Variants in SOX5 observed in about 807,000 individuals in gnomAD.
SOX5 encodes SRY-box transcription factor 5.
In SOX5, 9 loss-of-function variants were observed where a neutral mutation model predicts 92.0. The observed-to-expected ratio is 0.10, with a 90% CI of 0.06 to 0.17. SOX5 has a LOEUF of 0.17. SOX5 is among the 10% of genes least tolerant of loss of function. SOX5 has a pLI of 1.00. For missense variants in SOX5, 642 were observed against 944.5 expected, an observed-to-expected ratio of 0.68 and a Z score of 4.20; for synonymous variants, 344 against 336.3, an observed-to-expected ratio of 1.02 and a Z score of -0.25.
intron 4 of SOX5, among the ~76,000 whole-genome samples, chr12:24,163,817 C>T (rs1953064156): frequency 1.3e-5 from 2 of 151,898 alleles, no homozygotes; most frequent in African/African-American, 4.8e-5. Flanking sequence ...CTCTCTTTCT[C>T]TCTGTCTTTG....
chr12:23,951,814 C>A (rs761735799), upstream of SOX5, among the ~76,000 whole-genome samples: 1 of 152,052 alleles, frequency 6.6e-6, no homozygotes, highest in Non-Finnish European at 1.5e-5. Flanking sequence ...TCACTTTCAG[C>A]AGTTGGGGAA....
intron 1 of SOX5, among the ~76,000 whole-genome samples, chr12:24,465,326 G>A (rs1046125305): frequency 1.2e-4 from 19 of 152,152 alleles, no homozygotes; most frequent in East Asian, 1.2e-3. Flanking sequence ...TTTACTGAGC[G>A]TTTATTACAT....
chr12:24,295,615 G>T (rs1420409775), intron 2 of SOX5, among the ~76,000 whole-genome samples: 3 of 152,220 alleles, frequency 2.0e-5, no homozygotes, highest in Admixed American at 2.0e-4. Context: ...CCACGCTAGA[G>T]TTCAGTGGTA....
At chr12:24,404,015 G>A (rs575740417) in intron 1 of SOX5, among the ~76,000 whole-genome samples, 38 of 152,198 alleles carry the variant, frequency 2.5e-4, no homozygotes, top group African/African-American at 8.7e-4. Context: ...CACCTAGGAG[G>A]CACTAAAGAA....
chr12:23,941,993 G>C (rs1943740099), intron 1 of SOX5, among the ~76,000 whole-genome samples: 1 of 150,838 alleles, frequency 6.6e-6, no homozygotes, highest in South Asian at 2.1e-4. Flanking sequence ...AAAAGTCTTT[G>C]GACTTTGAAA....
intron 1 of SOX5, among the ~76,000 whole-genome samples, chr12:24,450,432 G>A (rs748399553): frequency 6.6e-6 from 1 of 151,794 alleles, no homozygotes; most frequent in African/African-American, 2.4e-5. Flanking sequence ...AATCTGATCA[G>A]GATAAATGGG....
At chr12:23,818,030 ATT>A (rs750196546) in intron 3 of SOX5, among the ~76,000 whole-genome samples, 1 of 152,212 alleles carries the variant, frequency 6.6e-6, no homozygotes, top group Non-Finnish European at 1.5e-5. Flanking sequence ...ATTTAGAGAG[ATT>A]TTATACAAGT....
intron 4 of SOX5, among the ~76,000 whole-genome samples, chr12:24,100,764 T>C (rs1348156590): frequency 2.0e-5 from 3 of 152,172 alleles, no homozygotes; most frequent in Non-Finnish European, 4.4e-5. Flanking sequence ...CCCAGAACTC[T>C]TGATTTTCTC....
At chr12:24,524,814 T>C (rs1950561944) in intron 1 of SOX5, among the ~76,000 whole-genome samples, 1 of 152,140 alleles carries the variant, frequency 6.6e-6, no homozygotes, top group Non-Finnish European at 1.5e-5. Context: ...GCCAGAAGTT[T>C]GGGACTCGCC....
chr12:23,631,615 A>C (rs1185960234), intron 8 of SOX5, among the ~76,000 whole-genome samples: 1 of 152,144 alleles, frequency 6.6e-6, no homozygotes, highest in Admixed American at 6.6e-5. Context: ...ACAGGATACT[A>C]TCAAGGAATG....
intron 6 of SOX5, among the ~76,000 whole-genome samples, chr12:23,710,444 A>G (rs2140355453): frequency 6.6e-6 from 1 of 152,050 alleles, no homozygotes; most frequent in East Asian, 1.9e-4. Context: ...CCTGTGTCCA[A>G]GTATTCTTGT....
Position 23,530,680 on chromosome 12 carries a change from A to C in SOX5, c.*3539T>G, listed in dbSNP as rs1429110774. 1 of 152,092 alleles carries C rather than the reference A, an allele frequency of 6.6e-6. No individual in the cohort carries two copies. Among genetic ancestry groups the C allele is most frequent in the African/African-American group, 2.4e-5 (1 of 41,422 alleles). The allele number at this position is 152,092 out of a possible 1,614,324, so 9.4% of individuals were successfully genotyped here. On this transcript the variant is annotated 3_prime_UTR_variant, in exon 15 of 15. Coordinates refer to ENST00000451604, the MANE Select transcript of SOX5 (RefSeq NM_006940.6). ...TTAGTAACTATAAATGAGTAACTTT[A>C]TTTTCTCCGGTAATGTTCTCTTAGA...
At chr12:24,178,390 G>T (rs1024186769) in intron 4 of SOX5, among the ~76,000 whole-genome samples, 1 of 152,012 alleles carries the variant, frequency 6.6e-6, no homozygotes, top group Non-Finnish European at 1.5e-5. Context: ...CAGAGGCCTA[G>T]AGAAGTCATT....
At chr12:24,507,460 C>T (rs1190685108) in intron 1 of SOX5, among the ~76,000 whole-genome samples, 1 of 151,004 alleles carries the variant, frequency 6.6e-6, no homozygotes, top group Non-Finnish European at 1.5e-5. Flanking sequence ...TGACAACTGA[C>T]CTACTTTCTG....
At chr12:24,353,786 GCCCGCCAC>G (rs1954432446) in intron 2 of SOX5, among the ~76,000 whole-genome samples, 1 of 151,976 alleles carries the variant, frequency 6.6e-6, no homozygotes, top group Non-Finnish European at 1.5e-5. Context: ...GATTACAGGC[GCCCGCCAC>G]CACGCCCAGC....
chr12:24,122,602 C>T lies in SOX5; in HGVS notation c.-2+90741G>A, dbSNP rs144133186. Among the ~76,000 whole-genome samples the T allele has an allele frequency of 2.2e-3, 328 of 152,212 alleles. 1 individual carries two copies. Among genetic ancestry groups the T allele is most frequent in the African/African-American group, 7.4e-3 (307 of 41,528 alleles). ...GAAGATCAGAATGTTTAATCTATATCCTGTAAACACACCAGAGTTGGACAA... is the reference window on the plus strand; with the variant it reads ...GAAGATCAGAATGTTTAATCTATATTCTGTAAACACACCAGAGTTGGACAA... On this transcript the variant is annotated intron_variant, in intron 4 of 4. Coordinates refer to the SOX5 transcript ENST00000446891.
chr12:23,623,946 A>G (rs1420433844), intron 8 of SOX5, among the ~76,000 whole-genome samples: 1 of 152,178 alleles, frequency 6.6e-6, no homozygotes, highest in Non-Finnish European at 1.5e-5. Flanking sequence ...AAACGTCCAT[A>G]GATGGAGGAA....
chr12:24,552,089 C>T (rs1265004398), intron 1 of SOX5, among the ~76,000 whole-genome samples: 1 of 152,210 alleles, frequency 6.6e-6, no homozygotes, highest in African/African-American at 2.4e-5. Context: ...TTCCCCACTC[C>T]CCAACCCCTA....
intron 2 of SOX5, among the ~76,000 whole-genome samples, chr12:24,282,210 T>C (rs1945292707): frequency 1.3e-5 from 2 of 152,088 alleles, no homozygotes; most frequent in South Asian, 4.1e-4. Flanking sequence ...ACGAGGAATA[T>C]ATAAGAAATA....
Sources: allele counts gnomAD v4.1 joint callset (sites outside exome capture counted in the v4.1 genomes callset), GRCh38; gene constraint gnomAD v4.1.1; transcripts MANE v1.5; gene names NCBI Gene and HGNC (gene_info 2026-07-23, HGNC 2026-07-21).